The following NALF1 variants were observed in gnomAD, a reference collection of about 807,000 sequenced individuals.
NALF1 encodes family with sequence similarity 155 member A.
NALF1 carries 3 observed loss-of-function variants against 48.4 expected under a neutral mutation model. That is an observed-to-expected ratio of 0.06 (90% CI 0.03 to 0.16). NALF1 has a LOEUF of 0.16. Ranked by LOEUF, NALF1 falls within the 10% of genes least tolerant of loss-of-function variation. NALF1 has a pLI of 1.00. For synonymous variants in NALF1, 262 were observed against 245.7 expected (o/e 1.07, Z -0.62); for missense variants, 526 against 571.5 (o/e 0.92, Z 0.81).
At chr13:107,855,996 C>T (rs1594316680) in intron 1 of NALF1, among the ~76,000 whole-genome samples, 1 of 119,294 alleles carries the variant, frequency 8.4e-6, no homozygotes, top group African/African-American at 3.1e-5. Flanking sequence ...GAGCCTCAAA[C>T]TCATGGATTC....
At chr13:107,696,551 AGTGTGTGTGTGTGT>A (rs58345595) in intron 1 of NALF1, among the ~76,000 whole-genome samples, 53 of 146,924 alleles carry the variant, frequency 3.6e-4, no homozygotes, top group African/African-American at 1.2e-3. Context: ...CTCCAAGTTG[AGTGTGTGTGTGTGT>A]GTGTGTGTGT....
intron 1 of NALF1, among the ~76,000 whole-genome samples, chr13:107,773,683 A>G (rs1476381121): frequency 2.2e-5 from 3 of 139,516 alleles, no homozygotes; most frequent in Non-Finnish European, 4.6e-5. Flanking sequence ...GAACAATGAG[A>G]ACACATGGAC....
chr13:107,856,130 C>A (rs777792007), intron 1 of NALF1, among the ~76,000 whole-genome samples: 3 of 152,160 alleles, frequency 2.0e-5, no homozygotes, highest in Admixed American at 6.5e-5. Context: ...TGATCTCAAA[C>A]TCCTGAACTC....
In NALF1 at chr13:107,200,105, C is replaced by T. The variant is rs189952701; in HGVS notation, c.1087+10479G>A. On this transcript the variant is annotated intron_variant, in intron 2 of 2. Transcript: ENST00000375915. ...CTTACCTTAACCCAACTCACCAAAACGAGAAGGAGAGAGGAAAGTGTCCTG... is the reference window on the plus strand; with the variant it reads ...CTTACCTTAACCCAACTCACCAAAATGAGAAGGAGAGAGGAAAGTGTCCTG... Among the ~76,000 whole-genome samples, 432 of 152,270 alleles carry T rather than the reference C, an allele frequency of 2.8e-3. 1 individual carries two copies. Among genetic ancestry groups the T allele is most frequent in the Non-Finnish European group, 4.1e-3 (280 of 68,024 alleles).
intron 1 of NALF1, among the ~76,000 whole-genome samples, chr13:107,579,681 T>TTC (rs1878249331): frequency 2.0e-5 from 3 of 152,224 alleles, no homozygotes; most frequent in Non-Finnish European, 4.4e-5. Flanking sequence ...TCATATTTTT[T>TTC]TTTTATTATA....
At chr13:107,180,361 G>A (rs1316662962) in intron 2 of NALF1, among the ~76,000 whole-genome samples, 1 of 151,664 alleles carries the variant, frequency 6.6e-6, no homozygotes, top group East Asian at 1.9e-4. Context: ...TATATCTAAG[G>A]AATAAATATT....
chr13:107,841,434 T>G (rs1164185089), intron 1 of NALF1, among the ~76,000 whole-genome samples: 1 of 152,134 alleles, frequency 6.6e-6, no homozygotes, highest in African/African-American at 2.4e-5. Flanking sequence ...CAAGGGTATT[T>G]TGCTTTAAGT....
intron 1 of NALF1, among the ~76,000 whole-genome samples, chr13:107,712,187 C>A (rs8000279): frequency 0.093 from 14,096 of 152,130 alleles, 1,494 homozygotes; most frequent in East Asian, 0.42. Context: ...AGGATCTAAA[C>A]ACATTGTCCT....
intron 1 of NALF1, among the ~76,000 whole-genome samples, chr13:107,512,388 A>G (rs1875922814): frequency 1.3e-5 from 2 of 152,162 alleles, no homozygotes. Flanking sequence ...GTGAGACTCC[A>G]TCTAAAAAAA....
Position 107,472,398 on chromosome 13 carries a change from T to G in NALF1, c.916-261643A>C, listed in dbSNP as rs374045696. On this transcript the variant is annotated intron_variant, in intron 1 of 2. Transcript: ENST00000375915. ...GTGATGGTTAATATTGAGTGTCAAC[T>G]TGATTGGATTGAAGGATGTGAAGTA... Among the ~76,000 whole-genome samples the G allele has an allele frequency of 2.4e-4, 37 of 152,174 alleles. 1 individual carries two copies. The South Asian group carries it at 7.7e-3, about 32-fold the overall frequency.
chr13:107,365,474 T>C (rs1018402164), intron 1 of NALF1, among the ~76,000 whole-genome samples: 1 of 152,124 alleles, frequency 6.6e-6, no homozygotes, highest in Non-Finnish European at 1.5e-5. Context: ...TTTAGGGCTT[T>C]CTCTCTAAAC....
chr13:107,675,592 C>A (rs1881098226), intron 1 of NALF1, among the ~76,000 whole-genome samples: 1 of 152,068 alleles, frequency 6.6e-6, no homozygotes, highest in African/African-American at 2.4e-5. Context: ...TAAATGATTT[C>A]TTTGATATCA....
chr13:107,246,342 T>C (rs895882165), intron 1 of NALF1, among the ~76,000 whole-genome samples: 2 of 152,222 alleles, frequency 1.3e-5, no homozygotes, highest in Non-Finnish European at 2.9e-5. Context: ...GATTTTATTA[T>C]ATTTAACAAT....
chr13:107,398,422 C>T (rs1883749971), intron 1 of NALF1, among the ~76,000 whole-genome samples: 1 of 146,044 alleles, frequency 6.8e-6, no homozygotes, highest in African/African-American at 2.5e-5. Flanking sequence ...ATAGACTAAA[C>T]AATGTGAACT....
At chr13:107,597,409 T>C (rs1217014165) in intron 1 of NALF1, among the ~76,000 whole-genome samples, 1 of 152,192 alleles carries the variant, frequency 6.6e-6, no homozygotes, top group South Asian at 2.1e-4. Flanking sequence ...GGTTCTCCTA[T>C]GTAGTATTTC....
rs1883641516 is a variant in NALF1, at chr13:107,392,360, C to A, written c.916-181605G>T. ...TTGCTCAGTCCCAGGAAACAGGAAGCTCCTCCAGCTCTTTACTCAGCACCC... is the reference window on the plus strand; with the variant it reads ...TTGCTCAGTCCCAGGAAACAGGAAGATCCTCCAGCTCTTTACTCAGCACCC... On this transcript the variant is annotated intron_variant, in intron 1 of 2. Transcript: ENST00000375915. Among the ~76,000 whole-genome samples the A allele has an allele frequency of 2.0e-5, 3 of 152,236 alleles. No individual in the cohort carries two copies. In the South Asian group the frequency reaches 6.2e-4, roughly 32 times the overall value.
chr13:107,462,489 G>T (rs1884935336), intron 1 of NALF1, among the ~76,000 whole-genome samples: 2 of 152,182 alleles, frequency 1.3e-5, no homozygotes, highest in South Asian at 2.1e-4. Context: ...GAAAATAAAA[G>T]AAATGGGTAT....
chr13:107,826,518 G>T (rs998803657), intron 1 of NALF1, among the ~76,000 whole-genome samples: 4 of 152,190 alleles, frequency 2.6e-5, no homozygotes, highest in African/African-American at 7.2e-5. Context: ...GACGCCAACG[G>T]GGCTCCAGGC....
At chr13:107,639,071 A>G (rs1880072998) in intron 1 of NALF1, among the ~76,000 whole-genome samples, 2 of 152,194 alleles carry the variant, frequency 1.3e-5, no homozygotes, top group South Asian at 4.1e-4. Flanking sequence ...TCCTCAATAA[A>G]AGCAAATTGT....
Sources: allele counts gnomAD v4.1 joint callset (sites outside exome capture counted in the v4.1 genomes callset), GRCh38; gene constraint gnomAD v4.1.1; transcripts MANE v1.5; gene names NCBI Gene and HGNC (gene_info 2026-07-23, HGNC 2026-07-21).